The following CPQ variants were observed in gnomAD, a reference collection of about 807,000 sequenced individuals.
CPQ encodes the protein Ser-Met dipeptidase.
Under a neutral mutation model 45.7 loss-of-function variants are expected in CPQ, and 37 were observed. The observed-to-expected ratio is 0.81, with a 90% CI of 0.62 to 1.07. The LOEUF (loss-of-function observed/expected upper bound fraction) is 1.07, where lower values mean the gene tolerates loss of function less well. Among genes scored for constraint, CPQ ranks in the 50% least tolerant of loss-of-function variants. The pLI is 0.00. For synonymous variants in CPQ, 186 were observed against 205.8 expected (o/e 0.90, Z 0.82); for missense variants, 537 against 572.9 (o/e 0.94, Z 0.64).
intron 3 of CPQ, among the ~76,000 whole-genome samples, chr8:96,872,286 A>T (rs948112693): frequency 3.3e-5 from 5 of 152,004 alleles, no homozygotes; most frequent in East Asian, 1.9e-4. Flanking sequence ...CAAAATTTTA[A>T]CTGCATTTTT....
chr8:96,772,544 A>G (rs1171245102), intron 1 of CPQ, among the ~76,000 whole-genome samples: 2 of 152,158 alleles, frequency 1.3e-5, no homozygotes, highest in Non-Finnish European at 2.9e-5. Context: ...CAGTTAAAGT[A>G]TGTAGTAGGA....
At chr8:96,907,739 G>A (rs570873529) in intron 4 of CPQ, among the ~76,000 whole-genome samples, 9 of 152,010 alleles carry the variant, frequency 5.9e-5, no homozygotes, top group African/African-American at 2.2e-4. Context: ...TGGGCAATGT[G>A]GATGCTGGTA....
intron 6 of CPQ, among the ~76,000 whole-genome samples, chr8:97,037,610 C>T (rs573817837): frequency 1.3e-5 from 2 of 152,286 alleles, no homozygotes; most frequent in East Asian, 3.9e-4. Flanking sequence ...TTTTCTTGGT[C>T]TGGAGCCTTT....
chr8:96,985,405 C>A (rs976349211), intron 5 of CPQ, among the ~76,000 whole-genome samples: 1 of 152,156 alleles, frequency 6.6e-6, no homozygotes, highest in South Asian at 2.1e-4. Context: ...ATCTCACTCT[C>A]AGGTTTTCCA....
intron 1 of CPQ, among the ~76,000 whole-genome samples, chr8:96,742,649 G>A (rs1470549618): frequency 6.6e-6 from 1 of 151,784 alleles, no homozygotes; most frequent in Non-Finnish European, 1.5e-5. Context: ...CTTCCTTCAG[G>A]AGCTCTTTTA....
chr8:97,073,046 C>T (rs979943065), intron 7 of CPQ, among the ~76,000 whole-genome samples: 8 of 152,104 alleles, frequency 5.3e-5, no homozygotes, highest in East Asian at 1.9e-4. Context: ...AATTTAGTAA[C>T]GACATCACTC....
chr8:96,654,980 C>A (rs1479883923), intron 1 of CPQ, among the ~76,000 whole-genome samples: 1 of 151,662 alleles, frequency 6.6e-6, no homozygotes, highest in African/African-American at 2.4e-5. Context: ...GCATTAAAAC[C>A]CTGTTTAGGC....
chr8:96,964,001 A>G (rs1028314138), intron 4 of CPQ, among the ~76,000 whole-genome samples: 1 of 150,946 alleles, frequency 6.6e-6, no homozygotes, highest in Non-Finnish European at 1.5e-5. Flanking sequence ...TTCATTTTCC[A>G]TTTCTATATT....
At chr8:97,061,568 C>T (rs1586521060) in intron 6 of CPQ, among the ~76,000 whole-genome samples, 1 of 152,154 alleles carries the variant, frequency 6.6e-6, no homozygotes, top group African/African-American at 2.4e-5. Context: ...GTCAACCTGA[C>T]TAAACCTCAG....
In CPQ at chr8:96,752,754, G is replaced by T. The variant is rs565433680; in HGVS notation, c.-34-32110G>T. Among the ~76,000 whole-genome samples the T allele has an allele frequency of 5.3e-5, 8 of 152,190 alleles. 1 individual carries two copies. The South Asian group carries it at 1.7e-3, about 32-fold the overall frequency. ...GCTTTTGCCCACTCAGTGTGATATT[G>T]CCTGTGGGTTTGTCATATATGGCTC... On this transcript the variant is annotated intron_variant, in intron 1 of 7. Transcript: ENST00000220763.
chr8:97,108,155 C>G (rs1811433572), intron 7 of CPQ, among the ~76,000 whole-genome samples: 1 of 152,208 alleles, frequency 6.6e-6, no homozygotes, highest in African/African-American at 2.4e-5. Flanking sequence ...CTATGTAAGT[C>G]TCACTAATAA....
At chr8:96,867,212 A>G (rs925149937) in intron 3 of CPQ, among the ~76,000 whole-genome samples, 1 of 152,078 alleles carries the variant, frequency 6.6e-6, no homozygotes, top group African/African-American at 2.4e-5. Context: ...TCTTTTTGAA[A>G]GAAAAATTTA....
intron 1 of CPQ, among the ~76,000 whole-genome samples, chr8:96,704,322 A>G (rs1196184642): frequency 6.6e-6 from 1 of 152,186 alleles, no homozygotes; most frequent in Non-Finnish European, 1.5e-5. Context: ...CGTCTTTCCT[A>G]TTGCTGAATG....
intron 2 of CPQ, among the ~76,000 whole-genome samples, chr8:96,797,497 T>G (rs1213607379): frequency 6.6e-6 from 1 of 152,138 alleles, no homozygotes; most frequent in African/African-American, 2.4e-5. Flanking sequence ...GGTTATAGGA[T>G]TAGAATGAAT....
chr8:96,806,562 A>C lies in CPQ; in HGVS notation c.433+21232A>C, dbSNP rs570652930. 7.2e-5 allele frequency among the ~76,000 whole-genome samples: 11 copies of C among 152,374 alleles called. No homozygotes were observed. The East Asian group carries it at 1.7e-3, about 24-fold the overall frequency. On this transcript the variant is annotated intron_variant, in intron 2 of 7. Transcript: ENST00000220763. ...TTTATACAAGGAAATACTAGAAAGC[A>C]GTTAAAATGGATGAACTGTAGTTAC... is the stretch of plus-strand genomic sequence containing the variant.
chr8:96,729,994 T>C (rs1216481791), intron 1 of CPQ, among the ~76,000 whole-genome samples: 22 of 152,166 alleles, frequency 1.4e-4, no homozygotes, highest in Admixed American at 1.4e-3. Context: ...GAAAATGGGC[T>C]TGGGTCTGGA....
intron 1 of CPQ, among the ~76,000 whole-genome samples, chr8:96,773,287 C>T (rs1228050091): frequency 2.0e-5 from 3 of 152,098 alleles, no homozygotes; most frequent in Non-Finnish European, 4.4e-5. Context: ...TTGTAGAGAA[C>T]ATGCTTGGTG....
chr8:97,129,467 G>A (rs1359257800), intron 7 of CPQ, among the ~76,000 whole-genome samples: 1 of 152,176 alleles, frequency 6.6e-6, no homozygotes, highest in African/African-American at 2.4e-5. Context: ...GATAATGCCT[G>A]TAAGTGTTTA....
At position 96,756,619 on chromosome 8, in the gene CPQ, T is replaced by C. The variant is rs528070561; in HGVS notation, c.-34-28245T>C. 3.9e-5 allele frequency among the ~76,000 whole-genome samples: 6 copies of C among 152,322 alleles called. No homozygotes were observed. In the South Asian group the frequency reaches 1.2e-3, roughly 32 times the overall value. On this transcript the variant is annotated intron_variant, in intron 1 of 7. Coordinates refer to ENST00000220763, the MANE Select transcript of CPQ (RefSeq NM_016134.4). ...TTAAATGGATTTTCTCTTTCTATTT[T>C]AATATTTCATCCATTATTCAGACTA...
Sources: allele counts gnomAD v4.1 joint callset (sites outside exome capture counted in the v4.1 genomes callset), GRCh38; gene constraint gnomAD v4.1.1; transcripts MANE v1.5; gene names NCBI Gene and HGNC (gene_info 2026-07-23, HGNC 2026-07-21).